Variants in EEF2K observed in about 807,000 individuals in gnomAD.
EEF2K encodes the protein eukaryotic elongation factor 2 kinase.
EEF2K carries 70 observed loss-of-function variants against 93.8 expected under a neutral mutation model. The observed-to-expected ratio is 0.75, with a 90% confidence interval of 0.62 to 0.91. EEF2K has a LOEUF of 0.91. Among genes scored for constraint, EEF2K ranks in the 40% least tolerant of loss-of-function variants. The probability of loss-of-function intolerance (pLI) is 0.00; values close to 1 mark genes in which losing one functional copy is unlikely to be tolerated. For synonymous variants in EEF2K, 376 were observed against 380.8 expected (o/e 0.99, Z 0.15); for missense variants, 935 against 972.9 (o/e 0.96, Z 0.52).
At position 22,258,852 on chromosome 16, in the gene EEF2K, A is replaced by C; in HGVS notation, c.1231+157A>C. ...GGTGAGTTTCATTGAGTGAACTTTC[A>C]AAACAGATCATCCAAATGCTATAAA... On this transcript the variant is annotated intron_variant, in intron 10 of 17. Transcript: ENST00000263026. The C allele has an allele frequency of 5.5e-6, 5 of 901,224 alleles. No individual in the cohort carries two copies. In the South Asian group the frequency reaches 8.9e-5, roughly 16 times the overall value. The allele number at this position is 901,224 out of a possible 1,614,324, so 55.8% of individuals were successfully genotyped here.
chr16:22,218,573 C>G (rs2046981646), intron 1 of EEF2K, among the ~76,000 whole-genome samples: 2 of 152,152 alleles, frequency 1.3e-5, no homozygotes, highest in African/African-American at 2.4e-5. Context: ...ACAGTGGTTT[C>G]CGTCGCCAGA....
chr16:22,240,535 CTG>C lies in EEF2K; in HGVS notation c.247-4093_247-4092del, dbSNP rs550499739. 2.5e-4 allele frequency among the ~76,000 whole-genome samples: 38 copies of C among 152,248 alleles called. 1 individual carries two copies. The South Asian group carries it at 7.7e-3, about 31-fold the overall frequency. ...GGATAGGAAGATGTTCACTTCAGCA[CTG>C]TTTGTACTAGGAAATGTTGGAGGGA... is the stretch of plus-strand genomic sequence containing the variant. On this transcript the variant is annotated intron_variant, in intron 2 of 17. Transcript: ENST00000263026.
In EEF2K at chr16:22,225,774, C is replaced by T. The variant is rs757180437; in HGVS notation, c.45C>T (p.Gly15=). ...DLIFRLEGVD[G]GQSPRAGHDG... is the part of the protein sequence containing the mutation. ...TCTTCCGCCTGGAAGGCGTTGATGG[C>T]GGCCAGTCCCCCCGAGCTGGCCATG... The change falls in exon 2 of 18, where the codon GGC becomes GGT. Residue 15 remains glycine (G), a synonymous_variant. Transcript: ENST00000263026. 4.9e-5 allele frequency: 79 copies of T among 1,614,046 alleles called. No homozygotes were observed. Among genetic ancestry groups the T allele is most frequent in the Non-Finnish European group, 5.7e-5 (67 of 1,180,032 alleles).
intron 2 of EEF2K, among the ~76,000 whole-genome samples, chr16:22,235,527 C>T (rs1462081002): frequency 6.6e-6 from 1 of 152,012 alleles, no homozygotes; most frequent in African/African-American, 2.4e-5. Context: ...GATGGAGTTT[C>T]GCTCTTGTTG....
At chr16:22,224,691 G>A (rs996902833) in intron 1 of EEF2K, among the ~76,000 whole-genome samples, 6 of 151,488 alleles carry the variant, frequency 4.0e-5, no homozygotes, top group African/African-American at 9.7e-5. Flanking sequence ...GGTGGCTCAC[G>A]CCTGTAATCC....
chr16:22,260,438 T>C, intron 10 of EEF2K, 24 bp from the exon 11 acceptor site: 1 of 1,613,954 alleles, frequency 6.2e-7, no homozygotes, highest in Non-Finnish European at 8.5e-7. Flanking sequence ...AACCAGGACA[T>C]GATGTCTGTT....
chr16:22,273,805 G>A (rs1031611330), intron 16 of EEF2K, 55 bp downstream of exon 16: 4 of 1,597,522 alleles, frequency 2.5e-6, no homozygotes, highest in East Asian at 2.2e-5. Context: ...GCAGGTGGGC[G>A]CTTGTCCTCG....
intron 2 of EEF2K, among the ~76,000 whole-genome samples, chr16:22,226,329 T>G (rs932243790): frequency 6.9e-6 from 1 of 145,982 alleles, no homozygotes; most frequent in African/African-American, 2.5e-5. Context: ...GCTGTTCTTT[T>G]TTTTTTTTTT....
At chr16:22,239,951 T>A (rs1235632099) in intron 2 of EEF2K, among the ~76,000 whole-genome samples, 2 of 148,796 alleles carry the variant, frequency 1.3e-5, no homozygotes, top group African/African-American at 5.0e-5. Flanking sequence ...AAAAATACAA[T>A]AATTAGCTGG....
intron 2 of EEF2K, 61 bp from the exon 3 acceptor site, chr16:22,244,569 G>A (rs1006246737): frequency 3.9e-5 from 60 of 1,541,738 alleles, no homozygotes; most frequent in South Asian, 2.3e-4. Context: ...AGGAGTCCAC[G>A]CTGTCCCCAA....
chr16:22,244,065 CA>C (rs1455991852), intron 2 of EEF2K, among the ~76,000 whole-genome samples: 1 of 151,502 alleles, frequency 6.6e-6, no homozygotes, highest in Non-Finnish European at 1.5e-5. Context: ...TTGTTTCTAC[CA>C]AAAAATGCAA....
intron 2 of EEF2K, among the ~76,000 whole-genome samples, chr16:22,237,836 G>A (rs2047182671): frequency 6.6e-6 from 1 of 152,014 alleles, no homozygotes; most frequent in Non-Finnish European, 1.5e-5. Flanking sequence ...CTCTTTTTGT[G>A]CATTTGCATA....
At position 22,257,334 on chromosome 16, in the gene EEF2K, G is replaced by A. The variant is rs773380583; in HGVS notation, c.850G>A (p.Asp284Asn). Residue 284 changes from aspartate (D) to asparagine (N), a missense_variant, in exon 8 of 18, where the codon GAC (aspartate) becomes AAC (asparagine). Physicochemically the swap from Asp to Asn is conservative, Grantham distance 23. Coordinates refer to ENST00000263026, the MANE Select transcript of EEF2K (RefSeq NM_013302.5). Reference protein sequence around the residue: ...DIQGVGDLYTDPQIHTETGTD... With the variant: ...DIQGVGDLYTNPQIHTETGTD... The stretch of plus-strand genomic sequence containing the variant: ...CCAGGGAGTTGGGGATCTCTACACT[G>A]ACCCACAGATCCACACGGAGACGGG... The A allele has an allele frequency of 5.0e-6, 8 of 1,612,428 alleles. No individual in the cohort carries two copies. The highest frequency in any genetic ancestry group is 2.5e-6 in the Non-Finnish European group (3 of 1,179,454).
intron 1 of EEF2K, 43 bp from the exon 2 acceptor site, chr16:22,225,611 C>T: frequency 6.8e-7 from 1 of 1,477,774 alleles, no homozygotes; most frequent in Non-Finnish European, 9.0e-7. Flanking sequence ...ATTCGCAGCC[C>T]TGGGCCCCAG....
chr16:22,282,528 G>C (rs1406749268), intron 17 of EEF2K, among the ~76,000 whole-genome samples: 4 of 152,232 alleles, frequency 2.6e-5, no homozygotes, highest in African/African-American at 9.6e-5. Flanking sequence ...CAAGAGGTGG[G>C]ACTGTTAAGA....
At chr16:22,263,083 G>A (rs374908907) in intron 11 of EEF2K, 27 bp from the exon 12 acceptor site, 35 of 1,606,020 alleles carry the variant, frequency 2.2e-5, no homozygotes, top group South Asian at 5.5e-5. Context: ...GGACCACCAG[G>A]ACCCTAAGGC....
intron 1 of EEF2K, among the ~76,000 whole-genome samples, chr16:22,208,597 T>C (rs1387841910): frequency 6.6e-6 from 1 of 152,110 alleles, no homozygotes; most frequent in East Asian, 1.9e-4. Context: ...ACTTTTTGGC[T>C]GATTACGGAT....
rs372321182 is a variant in EEF2K, at chr16:22,210,507, C to G, written c.-77+3828C>G. ...TTGCCAGGTGAGGCTGCTGCAGTGG[C>G]TGCTGCGGCAGCTGGTCCCATACTT... On this transcript the variant is annotated intron_variant, in intron 1 of 17. Transcript: ENST00000263026. Among the ~76,000 whole-genome samples, 417 of 152,300 alleles carry G rather than the reference C, an allele frequency of 2.7e-3. 19 individuals carry two copies. The South Asian group carries it at 0.082, about 30-fold the overall frequency.
intron 15 of EEF2K, among the ~76,000 whole-genome samples, chr16:22,267,175 G>A (rs977169730): frequency 6.6e-6 from 1 of 152,164 alleles, no homozygotes; most frequent in African/African-American, 2.4e-5. Context: ...AGGAAGGGCT[G>A]TAACTGGGGC....
Sources: allele counts gnomAD v4.1 joint callset (sites outside exome capture counted in the v4.1 genomes callset), GRCh38; gene constraint gnomAD v4.1.1; transcripts MANE v1.5; gene names NCBI Gene and HGNC (gene_info 2026-07-23, HGNC 2026-07-21).